The following AGAP1 variants were observed in gnomAD, a reference collection of about 807,000 sequenced individuals.
AGAP1 encodes the protein arf-GAP with GTPase, ANK repeat and PH domain-containing protein 1.
In AGAP1, 29 loss-of-function variants were observed where a neutral mutation model predicts 105.3. That is an observed-to-expected ratio of 0.28 (90% CI 0.21 to 0.38). The LOEUF is 0.38. Ranked by LOEUF, AGAP1 falls within the 10% of genes least tolerant of loss-of-function variation. The probability of loss-of-function intolerance (pLI) is 1.00; values close to 1 mark genes in which losing one functional copy is unlikely to be tolerated. For missense variants in AGAP1, 998 were observed against 1,165.1 expected (o/e 0.86, Z 2.09); for synonymous variants, 509 against 485.9 (o/e 1.05, Z -0.63).
At chr2:235,554,050 C>G (rs893486002) in intron 1 of AGAP1, among the ~76,000 whole-genome samples, 1 of 152,208 alleles carries the variant, frequency 6.6e-6, no homozygotes, top group Non-Finnish European at 1.5e-5. Flanking sequence ...TAATACCACC[C>G]AGTCACTGCA....
At chr2:235,911,606 C>G (rs1459189086) in intron 11 of AGAP1, among the ~76,000 whole-genome samples, 3 of 152,234 alleles carry the variant, frequency 2.0e-5, no homozygotes, top group Non-Finnish European at 4.4e-5. Context: ...TACAAAGGCC[C>G]TATAAACCGT....
At chr2:235,745,195 T>A in intron 5 of AGAP1, among the ~76,000 whole-genome samples, 1 of 152,364 alleles carries the variant, frequency 6.6e-6, no homozygotes, top group East Asian at 1.9e-4. Context: ...AATTCTCTGT[T>A]CTATAAAATG....
chr2:236,093,552 A>C lies in AGAP1; in HGVS notation c.2115-26640A>C, dbSNP rs192615826. On this transcript the variant is annotated intron_variant, in intron 16 of 17. Transcript: ENST00000304032. ...ATCCTCAAAATACCAATGTAAAGAAAGACCAAAAAGAAGAGTAGGGTTTGG... is the reference window on the plus strand; with the variant it reads ...ATCCTCAAAATACCAATGTAAAGAACGACCAAAAAGAAGAGTAGGGTTTGG... 2.4e-3 allele frequency among the ~76,000 whole-genome samples: 362 copies of C among 152,362 alleles called. 7 individuals are homozygous for C. The highest frequency in any genetic ancestry group is 0.022 in the Admixed American group (331 of 15,302).
chr2:235,741,743 ATTT>A lies in AGAP1; in HGVS notation c.396+699_396+701del, dbSNP rs553513243. On this transcript the variant is annotated intron_variant, in intron 4 of 17. Transcript: ENST00000304032. The surrounding 1 kb of genome is among the most constrained non-coding windows in gnomAD (Gnocchi z 4.9). ...TGTTGTTGTTATTATTATTATTGTT[ATTT>A]TTTATTATTTATTTATTTTTTTTTT... Among the ~76,000 whole-genome samples, 1 of 149,026 alleles carries A rather than the reference ATTT, an allele frequency of 6.7e-6. No individual in the cohort carries two copies. Among genetic ancestry groups the A allele is most frequent in the Non-Finnish European group, 1.5e-5 (1 of 67,324 alleles).
chr2:235,604,463 C>T lies in AGAP1; in HGVS notation c.164-104716C>T, dbSNP rs111734675. 8.2e-3 allele frequency among the ~76,000 whole-genome samples: 1,133 copies of T among 137,480 alleles called. 16 individuals are homozygous for T. Among genetic ancestry groups the T allele is most frequent in the African/African-American group, 0.031 (1,087 of 35,490 alleles). 90.2% of individuals were successfully genotyped at this position (137,480 alleles called of 152,430 possible). ...TGCCAGTGCACTTCAGCCTGGGCAACAGAGCGAGACCCTGTATCAAAATAA... is the reference window on the plus strand; with the variant it reads ...TGCCAGTGCACTTCAGCCTGGGCAATAGAGCGAGACCCTGTATCAAAATAA... On this transcript the variant is annotated intron_variant, in intron 1 of 17. Coordinates refer to ENST00000304032, the MANE Select transcript of AGAP1 (RefSeq NM_001037131.3).
At position 236,014,746 on chromosome 2, in the gene AGAP1, TCTTTTC is replaced by T; in HGVS notation, c.1646-21809_1646-21804del. ...TTTTTTCTCCCCTTTTCATTTGTTT[TCTTTTC>T]CTTTTTGTTTTCTCTCTTTTTCCCC... On this transcript the variant is annotated intron_variant, in intron 13 of 17. Coordinates refer to ENST00000304032, the MANE Select transcript of AGAP1 (RefSeq NM_001037131.3). This position sits in a 1 kb window ranked among gnomAD's most constrained non-coding sequence, Gnocchi z 6.3. 2 of 403,334 alleles carry T rather than the reference TCTTTTC, an allele frequency of 5.0e-6. No individual in the cohort carries two copies. The highest frequency in any genetic ancestry group is 1.0e-5 in the Non-Finnish European group (2 of 198,142). The allele number at this position is 403,334 out of a possible 1,614,324, so 25.0% of individuals were successfully genotyped here.
rs539992562 is a variant in AGAP1, at chr2:235,691,617, A to T, written c.164-17562A>T. Among the ~76,000 whole-genome samples the T allele has an allele frequency of 6.6e-6, 1 of 152,350 alleles. No individual in the cohort carries two copies. Among genetic ancestry groups the T allele is most frequent in the African/African-American group, 2.4e-5 (1 of 41,590 alleles). ...CAGGTCCCATGTTGACAAGTGCTGG[A>T]CAGTGGACACCAGCGGGAGACTCAG... On this transcript the variant is annotated intron_variant, in intron 1 of 17. Coordinates refer to ENST00000304032, the MANE Select transcript of AGAP1 (RefSeq NM_001037131.3). The surrounding 1 kb of genome is among the most constrained non-coding windows in gnomAD (Gnocchi z 4.4).
chr2:235,937,884 G>C (rs73128470), intron 12 of AGAP1, among the ~76,000 whole-genome samples: 2,849 of 152,336 alleles, frequency 0.019, 61 homozygotes, highest in African/African-American at 0.055. Context: ...GCGGTGCCAC[G>C]GTCAGGAAGC....
intron 16 of AGAP1, among the ~76,000 whole-genome samples, chr2:236,070,004 G>T (rs961332905): frequency 6.6e-6 from 1 of 152,256 alleles, no homozygotes; most frequent in African/African-American, 2.4e-5. Context: ...TGACAGTGGT[G>T]GCTGACGCCA....
intron 1 of AGAP1, among the ~76,000 whole-genome samples, chr2:235,568,491 A>G (rs1944418489): frequency 6.6e-6 from 1 of 152,198 alleles, no homozygotes. Context: ...TGTGGCGGGC[A>G]CCTGGCATGC....
At chr2:235,835,426 C>T (rs1206251934) in intron 9 of AGAP1, among the ~76,000 whole-genome samples, 1 of 152,216 alleles carries the variant, frequency 6.6e-6, no homozygotes, top group African/African-American at 2.4e-5. Context: ...GTTTTTCTTC[C>T]TTCATCTACG....
At chr2:235,768,814 C>G (rs1955188973) in intron 6 of AGAP1, among the ~76,000 whole-genome samples, 2 of 152,326 alleles carry the variant, frequency 1.3e-5, no homozygotes, top group Admixed American at 1.3e-4. Context: ...TGTCGGGGAT[C>G]TGGGCAGCCA....
chr2:235,681,058 G>T (rs1167464807), intron 1 of AGAP1, among the ~76,000 whole-genome samples: 5 of 152,122 alleles, frequency 3.3e-5, no homozygotes, highest in African/African-American at 4.8e-5. Flanking sequence ...GCCCAGGCTG[G>T]AGTGCAGTGG....
chr2:236,013,391 C>G (rs1011014442), intron 13 of AGAP1, among the ~76,000 whole-genome samples: 1 of 152,226 alleles, frequency 6.6e-6, no homozygotes, highest in South Asian at 2.1e-4. Context: ...ACCACAGCCT[C>G]AGCTGTAGTG....
intron 1 of AGAP1, among the ~76,000 whole-genome samples, chr2:235,613,005 AG>A (rs1183875620): frequency 6.6e-6 from 1 of 151,610 alleles, no homozygotes; most frequent in African/African-American, 2.4e-5. Context: ...TTGTAACAAG[AG>A]AATTTTGCAT....
rs1341229593 is a variant in AGAP1, at chr2:236,040,471, A to C, written c.1801-280A>C. ...AGGTTACCATGGTCCATGCGTATTC[A>C]CAGATGATCCAGAACTCTCCTCTTT... On this transcript the variant is annotated intron_variant, in intron 14 of 17. Coordinates refer to ENST00000304032, the MANE Select transcript of AGAP1 (RefSeq NM_001037131.3). This position sits in a 1 kb window ranked among gnomAD's most constrained non-coding sequence, Gnocchi z 5.6. 2 of 514,558 alleles carry C rather than the reference A, an allele frequency of 3.9e-6. No individual in the cohort carries two copies. Among genetic ancestry groups the C allele is most frequent in the South Asian group, 2.6e-5 (1 of 39,064 alleles). 31.9% of individuals were successfully genotyped at this position (514,558 alleles called of 1,614,324 possible). A position where few individuals can be genotyped will look rare whatever the true frequency, so the allele number is the denominator to read the frequency against.
In AGAP1 at chr2:235,788,986, C is replaced by G. The variant is rs1956813069; in HGVS notation, c.674-8773C>G. Among the ~76,000 whole-genome samples, 1 of 152,144 alleles carries G rather than the reference C, an allele frequency of 6.6e-6. No homozygotes were observed. The highest frequency in any genetic ancestry group is 6.5e-5 in the Admixed American group (1 of 15,290). ...CTCTAGCCCAGGGTGACTATGGGAACAGACATTCCTGATTTTTGGCAGCTC... is the reference window on the plus strand; with the variant it reads ...CTCTAGCCCAGGGTGACTATGGGAAGAGACATTCCTGATTTTTGGCAGCTC... On this transcript the variant is annotated intron_variant, in intron 6 of 17. Transcript: ENST00000304032. The surrounding 1 kb of genome is among the most constrained non-coding windows in gnomAD (Gnocchi z 6.0).
Position 235,793,143 on chromosome 2 carries a change from C to G in AGAP1, c.674-4616C>G, listed in dbSNP as rs1425341376. 6.6e-6 allele frequency among the ~76,000 whole-genome samples: 1 copy of G among 152,136 alleles called. No homozygotes were observed. Among genetic ancestry groups the G allele is most frequent in the Non-Finnish European group, 1.5e-5 (1 of 68,032 alleles). On this transcript the variant is annotated intron_variant, in intron 6 of 17. Transcript: ENST00000304032. The surrounding 1 kb of genome is among the most constrained non-coding windows in gnomAD (Gnocchi z 5.3). ...GCTCAGAGGTCCAGGAAGGTGCGAC[C>G]TAGCCTCTGGACCACTCCCAGTGAC...
At position 235,691,933 on chromosome 2, in the gene AGAP1, A is replaced by G. The variant is rs552572327; in HGVS notation, c.164-17246A>G. On this transcript the variant is annotated intron_variant, in intron 1 of 17. Transcript: ENST00000304032. The surrounding 1 kb of genome is among the most constrained non-coding windows in gnomAD (Gnocchi z 4.4). ...TTCCTAGTAGAAACAGACATGCAGC[A>G]TATTGTGAAATGTTTCAGAGAAATA... is the stretch of plus-strand genomic sequence containing the variant. Among the ~76,000 whole-genome samples the G allele has an allele frequency of 1.3e-5, 2 of 152,344 alleles. No individual in the cohort carries two copies. The highest frequency in any genetic ancestry group is 4.1e-4 in the South Asian group (2 of 4,822).
Sources: gnomAD v4.1 joint callset for allele counts (sites outside exome capture counted in the v4.1 genomes callset) on GRCh38, gnomAD v4.1.1 for gene constraint, Gnocchi (gnomAD v3.1) non-coding constraint, MANE v1.5 for transcripts, NCBI Gene and HGNC (gene_info 2026-07-23, HGNC 2026-07-21) for gene names.